Variants in EGFR observed in about 807,000 individuals in gnomAD.
EGFR encodes avian erythroblastic leukemia viral (v-erb-b) oncogene homolog.
A neutral mutation model predicts 143.0 loss-of-function variants in EGFR; 58 were observed. That is an observed-to-expected ratio of 0.41 (90% CI 0.33 to 0.50). The LOEUF (loss-of-function observed/expected upper bound fraction) is 0.50. Among genes scored for constraint, EGFR ranks in the 20% least tolerant of loss-of-function variants. EGFR has a pLI of 0.39. For synonymous variants in EGFR, 613 were observed against 594.4 expected (o/e 1.03, Z -0.45); for missense variants, 1,307 against 1,579.0 (o/e 0.83, Z 2.92).
chr7:55,188,480 C>T (rs1057430247), intron 20 of EGFR, among the ~76,000 whole-genome samples: 4 of 152,164 alleles, frequency 2.6e-5, no homozygotes, highest in African/African-American at 9.7e-5. Context: ...CTTTTCAAAT[C>T]CCCTTTTAAC....
At chr7:55,178,878 G>A (rs1324172558) in intron 19 of EGFR, among the ~76,000 whole-genome samples, 1 of 152,166 alleles carries the variant, frequency 6.6e-6, no homozygotes, top group African/African-American at 2.4e-5. Context: ...AAGTGGCCTG[G>A]ACTTTGACTT....
At chr7:55,173,610 A>G (rs1239615643) in intron 17 of EGFR, among the ~76,000 whole-genome samples, 1 of 152,272 alleles carries the variant, frequency 6.6e-6, no homozygotes, top group Non-Finnish European at 1.5e-5. Flanking sequence ...AACGACCGCC[A>G]TGCACAACTT....
At chr7:55,191,500 C>T (rs906448012) in intron 20 of EGFR, among the ~76,000 whole-genome samples, 1 of 152,178 alleles carries the variant, frequency 6.6e-6, no homozygotes, top group African/African-American at 2.4e-5. Context: ...GGACTTAAAA[C>T]TTGAGGAACT....
At chr7:55,193,847 G>T (rs1787505439) in intron 22 of EGFR, among the ~76,000 whole-genome samples, 1 of 152,062 alleles carries the variant, frequency 6.6e-6, no homozygotes, top group Admixed American at 6.5e-5. Flanking sequence ...TTAACTTTCT[G>T]ATTTTCCAAA....
At chr7:55,154,399 T>C (rs1345261205) in intron 7 of EGFR, among the ~76,000 whole-genome samples, 1 of 152,216 alleles carries the variant, frequency 6.6e-6, no homozygotes, top group Non-Finnish European at 1.5e-5. Context: ...CAGATCTGGG[T>C]GGCCAGGCCA....
At chr7:55,114,879 C>CTTTTTTTT (rs777244842) in intron 1 of EGFR, among the ~76,000 whole-genome samples, 1 of 122,770 alleles carries the variant, frequency 8.1e-6, no homozygotes, top group African/African-American at 3.1e-5. Flanking sequence ...TTGTATTATT[C>CTTTTTTTT]TTTTTTTTTT....
chr7:55,127,839 T>C (rs958668835), intron 1 of EGFR, among the ~76,000 whole-genome samples: 1 of 152,196 alleles, frequency 6.6e-6, no homozygotes, highest in African/African-American at 2.4e-5. Context: ...AGATTACAGA[T>C]TGCAGACTTC....
intron 15 of EGFR, among the ~76,000 whole-genome samples, chr7:55,169,401 A>T (rs1032497740): frequency 6.6e-6 from 1 of 152,178 alleles, no homozygotes; most frequent in Non-Finnish European, 1.5e-5. Flanking sequence ...CCCAGCAGGA[A>T]TATCTATTTT....
intron 25 of EGFR, 21 bp downstream of exon 25, chr7:55,201,376 T>C (rs1284224761): frequency 5.6e-6 from 9 of 1,614,102 alleles, no homozygotes; most frequent in Non-Finnish European, 6.8e-6. Flanking sequence ...TCTGTCTCTC[T>C]CTCTCTCTCA....
In EGFR at chr7:55,146,661, G is replaced by T; in HGVS notation, c.480G>T (p.Glu160Asp). 2 of 1,614,114 alleles carry T rather than the reference G, an allele frequency of 1.2e-6. No homozygotes were observed. Among genetic ancestry groups the T allele is most frequent in the South Asian group, 2.2e-5 (2 of 91,082 alleles). ...FSNNPALCNV[E>D]SIQWRDIVSS... Reference sequence around the variant, plus strand: ...ACAACCCTGCCCTGTGCAACGTGGAGAGCATCCAGTGGCGGGACATAGTCA... The same window carrying T: ...ACAACCCTGCCCTGTGCAACGTGGATAGCATCCAGTGGCGGGACATAGTCA... The change falls in exon 4 of 28, where the codon GAG (glutamate) becomes GAT (aspartate). Residue 160 changes from glutamate (E) to aspartate (D), a missense_variant. Coordinates refer to ENST00000275493, the MANE Select transcript of EGFR (RefSeq NM_005228.5).
At chr7:55,079,906 G>C (rs1790367361) in intron 1 of EGFR, among the ~76,000 whole-genome samples, 1 of 152,202 alleles carries the variant, frequency 6.6e-6, no homozygotes, top group East Asian at 1.9e-4. Context: ...TGACGCCTTT[G>C]AAAGATCTGT....
At position 55,205,957 on chromosome 7, in the gene EGFR, T is replaced by C. The variant is rs775721438; in HGVS notation, c.*340T>C. 1.2e-5 allele frequency: 5 copies of C among 415,274 alleles called. No individual in the cohort carries two copies. In the East Asian group the frequency reaches 2.2e-4, roughly 18 times the overall value. The allele number at this position is 415,274 out of a possible 1,614,324, so 25.7% of individuals were successfully genotyped here. A position where few individuals can be genotyped will look rare whatever the true frequency, so the allele number is the denominator to read the frequency against. ...TGATTGGGGATCTTGGAGTTTTTCA[T>C]TGTCGCTATTGATTTTTACTTCAAT... On this transcript the variant is annotated 3_prime_UTR_variant, in exon 28 of 28. Transcript: ENST00000275493.
At chr7:55,127,820 G>T (rs773362355) in intron 1 of EGFR, among the ~76,000 whole-genome samples, 2 of 147,334 alleles carry the variant, frequency 1.4e-5, no homozygotes, top group Admixed American at 1.3e-4. Context: ...AAAAACAAAA[G>T]CTTGCTTCAG....
intron 20 of EGFR, among the ~76,000 whole-genome samples, chr7:55,187,812 G>C (rs556379026): frequency 3.0e-4 from 46 of 152,280 alleles, no homozygotes; most frequent in Middle Eastern, 3.4e-3. Flanking sequence ...GTGGGTCTCT[G>C]GGGTGGGGCT....
intron 1 of EGFR, among the ~76,000 whole-genome samples, chr7:55,126,178 C>T (rs1793512345): frequency 6.6e-6 from 1 of 152,306 alleles, no homozygotes; most frequent in South Asian, 2.1e-4. Context: ...AGATCATCCC[C>T]ATGGCATAAT....
chr7:55,143,267 C>T (rs748652150), intron 2 of EGFR, 38 bp from the exon 3 acceptor site: 1 of 1,612,902 alleles, frequency 6.2e-7, no homozygotes, highest in Non-Finnish European at 8.5e-7. Flanking sequence ...TTGAGTTCCT[C>T]AAAAGAGAAA....
intron 8 of EGFR, 61 bp downstream of exon 8, chr7:55,156,007 T>C: frequency 8.6e-7 from 1 of 1,165,114 alleles, no homozygotes; most frequent in Non-Finnish European, 1.3e-6. Context: ...TGGGCTCTCA[T>C]GCCACCTCCA....
intron 13 of EGFR, among the ~76,000 whole-genome samples, chr7:55,163,217 A>T (rs1174038163): frequency 6.6e-6 from 1 of 152,210 alleles, no homozygotes; most frequent in African/African-American, 2.4e-5. Flanking sequence ...TTTTCAATCA[A>T]ACATCAGCTT....
chr7:55,042,567 G>A (rs1787955951), intron 1 of EGFR, among the ~76,000 whole-genome samples: 2 of 152,282 alleles, frequency 1.3e-5, no homozygotes, highest in East Asian at 1.9e-4. Context: ...CAGCATGGAT[G>A]TGGGAAAAAG....
Sources: allele counts gnomAD v4.1 joint callset (sites outside exome capture counted in the v4.1 genomes callset), GRCh38; gene constraint gnomAD v4.1.1; transcripts MANE v1.5; gene names NCBI Gene and HGNC (gene_info 2026-07-23, HGNC 2026-07-21).